The following CDH18 variants were observed in gnomAD, a reference collection of about 807,000 sequenced individuals.
The protein encoded by CDH18 is cadherin-18.
In CDH18, 31 loss-of-function variants were observed where a neutral mutation model predicts 67.9. The observed-to-expected ratio is 0.46, with a 90% CI of 0.34 to 0.62. The LOEUF is 0.62. Ranked by LOEUF, CDH18 falls within the 20% of genes least tolerant of loss-of-function variation. The pLI, the probability that CDH18 is intolerant of heterozygous loss-of-function variation, is 0.01. For missense variants in CDH18, 890 were observed against 975.5 expected, an observed-to-expected ratio of 0.91 and a Z score of 1.17; for synonymous variants, 362 against 347.2, an observed-to-expected ratio of 1.04 and a Z score of -0.48.
intron 12 of CDH18, among the ~76,000 whole-genome samples, chr5:19,474,308 G>T (rs559082399): frequency 6.6e-6 from 1 of 151,818 alleles, no homozygotes; most frequent in African/African-American, 2.4e-5. Context: ...TCCCATTCAG[G>T]GACAAAATAA....
intron 2 of CDH18, among the ~76,000 whole-genome samples, chr5:19,894,938 A>G (rs1324655446): frequency 6.6e-6 from 1 of 152,170 alleles, no homozygotes; most frequent in Non-Finnish European, 1.5e-5. Context: ...ATGTACACAG[A>G]TAATTCTGTC....
At chr5:19,945,222 A>T in intron 2 of CDH18, among the ~76,000 whole-genome samples, 1 of 152,106 alleles carries the variant, frequency 6.6e-6, no homozygotes, top group Non-Finnish European at 1.5e-5. Flanking sequence ...TTCCACCTCC[A>T]GGAGGTAGCT....
intron 2 of CDH18, among the ~76,000 whole-genome samples, chr5:20,232,016 TA>T (rs1561897086): frequency 1.4e-5 from 2 of 147,848 alleles, no homozygotes; most frequent in Non-Finnish European, 3.0e-5. Context: ...ACTCTTCTAA[TA>T]TTTTTTTACC....
At chr5:20,032,852 G>T (rs577046197) in intron 2 of CDH18, among the ~76,000 whole-genome samples, 1 of 151,974 alleles carries the variant, frequency 6.6e-6, no homozygotes, top group South Asian at 2.1e-4. Flanking sequence ...AGATTAATTT[G>T]CCCAGGGTCA....
At position 20,286,452 on chromosome 5, in the gene CDH18, T is replaced by C. The variant is rs1316510487; in HGVS notation, c.-579-30947A>G. On this transcript the variant is annotated intron_variant, in intron 1 of 14. Coordinates refer to the CDH18 transcript ENST00000507958. ...ATGATAGTAGTAATTTAAATTACCA[T>C]CATGCATATATTTTAATTGCAAAAA... 4.0e-5 allele frequency among the ~76,000 whole-genome samples: 6 copies of C among 151,678 alleles called. No individual in the cohort carries two copies. The South Asian group carries it at 1.0e-3, about 26-fold the overall frequency.
At chr5:19,526,112 A>G (rs999363364) in intron 9 of CDH18, among the ~76,000 whole-genome samples, 4 of 152,146 alleles carry the variant, frequency 2.6e-5, no homozygotes, top group Non-Finnish European at 5.9e-5. Flanking sequence ...TTGTAAGCCT[A>G]TAATAAGAGT....
At chr5:19,625,752 C>T (rs540961011) in intron 5 of CDH18, among the ~76,000 whole-genome samples, 64 of 152,108 alleles carry the variant, frequency 4.2e-4, no homozygotes, top group African/African-American at 1.5e-3. Context: ...CCTGGCAAAA[C>T]TCCAACTGGC....
At chr5:20,017,212 T>C (rs1737953786) in intron 2 of CDH18, among the ~76,000 whole-genome samples, 1 of 152,178 alleles carries the variant, frequency 6.6e-6, no homozygotes, top group Non-Finnish European at 1.5e-5. Context: ...ATTTTTCCCT[T>C]GGAAAGTTGG....
chr5:19,686,403 G>C lies in CDH18; in HGVS notation c.643+34944C>G, dbSNP rs528523883. ...GATAGTAGGTTTTGGAAGAGTTACA[G>C]CTTGTGAATTGTTAAGTAATGGAAG... On this transcript the variant is annotated intron_variant, in intron 5 of 12. Transcript: ENST00000382275. Among the ~76,000 whole-genome samples the C allele has an allele frequency of 2.0e-5, 3 of 152,266 alleles. No homozygotes were observed. The East Asian group carries it at 5.8e-4, about 29-fold the overall frequency.
At chr5:20,027,917 A>C (rs1739058046) in intron 2 of CDH18, among the ~76,000 whole-genome samples, 1 of 152,216 alleles carries the variant, frequency 6.6e-6, no homozygotes, top group African/African-American at 2.4e-5. Context: ...CTTTGCCCTT[A>C]TCAAAAATAT....
chr5:19,473,531 C>G lies in CDH18; in HGVS notation c.2068G>C (p.Asp690His). ...SAAEELKYRRDIRPEVKLTPR... is the reference protein window; with the variant it reads ...SAAEELKYRRHIRPEVKLTPR... ...GTGAGCTTCACTTCAGGTCTGATAT[C>G]CCTCCGGTACTTGAGCTCCTCAGCA... is the stretch of plus-strand genomic sequence containing the variant. The change falls in exon 13 of 13, where the codon GAT (aspartate) becomes CAT (histidine). Residue 690 changes from aspartate (D) to histidine (H), a missense_variant. Coordinates refer to ENST00000382275, the MANE Select transcript of CDH18 (RefSeq NM_004934.5). 6.2e-7 allele frequency: 1 copy of G among 1,613,768 alleles called. No individual in the cohort carries two copies. Among genetic ancestry groups the G allele is most frequent in the Non-Finnish European group, 8.5e-7 (1 of 1,179,850 alleles).
chr5:20,334,171 C>T (rs1272714350), intron 1 of CDH18, among the ~76,000 whole-genome samples: 1 of 132,460 alleles, frequency 7.5e-6, no homozygotes, highest in Admixed American at 7.8e-5. Flanking sequence ...GTCTCGCTGT[C>T]GCCCAGGCTG....
intron 2 of CDH18, among the ~76,000 whole-genome samples, chr5:20,119,422 C>T (rs1748174992): frequency 1.3e-5 from 2 of 152,164 alleles, no homozygotes; most frequent in South Asian, 4.2e-4. Flanking sequence ...TCCATGCACT[C>T]AAATTATTTT....
At chr5:20,127,371 T>C (rs1048570823) in intron 2 of CDH18, among the ~76,000 whole-genome samples, 1 of 152,114 alleles carries the variant, frequency 6.6e-6, no homozygotes, top group Admixed American at 6.5e-5. Flanking sequence ...AATTATCCAG[T>C]CTTGGTAGTT....
At chr5:20,473,509 T>G (rs1752230452) in intron 1 of CDH18, among the ~76,000 whole-genome samples, 1 of 152,038 alleles carries the variant, frequency 6.6e-6, no homozygotes, top group South Asian at 2.1e-4. Context: ...TGGATTTTCT[T>G]TTTGCTATTT....
intron 5 of CDH18, among the ~76,000 whole-genome samples, chr5:19,634,339 C>T (rs2044519): frequency 0.058 from 8,783 of 152,190 alleles, 284 homozygotes; most frequent in Non-Finnish European, 0.074. Flanking sequence ...AAAACATGAG[C>T]TCTACAGAGT....
At chr5:19,856,923 A>T (rs1784353144) in intron 2 of CDH18, among the ~76,000 whole-genome samples, 1 of 152,076 alleles carries the variant, frequency 6.6e-6, no homozygotes. Context: ...AATAGTTCCA[A>T]ATTAGAAACT....
intron 6 of CDH18, among the ~76,000 whole-genome samples, chr5:19,600,608 AAAAG>A (rs1287509221): frequency 7.3e-5 from 11 of 151,570 alleles, no homozygotes; most frequent in Middle Eastern, 3.4e-3. Flanking sequence ...TTTCTTGAAA[AAAAG>A]AAATATAGTT....
intron 1 of CDH18, among the ~76,000 whole-genome samples, chr5:20,490,527 A>G (rs1169738551): frequency 6.6e-6 from 1 of 152,140 alleles, no homozygotes; most frequent in Non-Finnish European, 1.5e-5. Flanking sequence ...GATAAAGAGG[A>G]AATGTAAATA....
Sources: allele counts gnomAD v4.1 joint callset (sites outside exome capture counted in the v4.1 genomes callset), GRCh38; gene constraint gnomAD v4.1.1; transcripts MANE v1.5; gene names NCBI Gene and HGNC (gene_info 2026-07-23, HGNC 2026-07-21).